The following UNG variants were observed in gnomAD, a reference collection of about 807,000 sequenced individuals.
UNG encodes the protein uracil DNA glycosylase.
UNG carries 34 observed loss-of-function variants against 36.5 expected under a neutral mutation model. The ratio of observed to expected loss-of-function variants is 0.93; its 90% CI spans 0.71 to 1.24. The LOEUF is 1.24. UNG is among the 50% of genes most tolerant of loss of function. UNG has a pLI of 0.00. For synonymous variants in UNG, 172 were observed against 157.8 expected (o/e 1.09, Z -0.67); for missense variants, 391 against 397.6 (o/e 0.98, Z 0.14).
intron 6 of UNG, among the ~76,000 whole-genome samples, chr12:109,108,369 C>CA (rs1762210341): frequency 6.6e-6 from 1 of 152,014 alleles, no homozygotes; most frequent in Admixed American, 6.6e-5. Context: ...AGCAGTGGCT[C>CA]ACGCCTGTAA....
intron 6 of UNG, among the ~76,000 whole-genome samples, chr12:109,104,775 A>G (rs12816460): frequency 2.0e-5 from 3 of 152,142 alleles, no homozygotes; most frequent in Non-Finnish European, 2.9e-5. Context: ...GGGAGAAATT[A>G]TAGAGTAAAT....
intron 6 of UNG, among the ~76,000 whole-genome samples, chr12:109,107,793 G>A (rs1440334921): frequency 6.6e-6 from 1 of 152,092 alleles, no homozygotes; most frequent in Non-Finnish European, 1.5e-5. Flanking sequence ...CCAAAGTGCT[G>A]GGATTACAGG....
Position 109,097,814 on chromosome 12 carries a change from G to A in UNG, c.132+3G>A. On this transcript the variant is annotated splice_donor_region_variant and intron_variant, in intron 1 of 6. Transcript: ENST00000242576. ...CTGAGGAAAGCGGAGATGCGGCGGTGAGGCGCGGCTTGGGCCGGGGCTAGG... is the reference window on the plus strand; with the variant it reads ...CTGAGGAAAGCGGAGATGCGGCGGTAAGGCGCGGCTTGGGCCGGGGCTAGG... 1.3e-6 allele frequency: 2 copies of A among 1,541,300 alleles called. No homozygotes were observed. The highest frequency in any genetic ancestry group is 1.8e-6 in the Non-Finnish European group (2 of 1,140,852).
intron 2 of UNG, 60 bp downstream of exon 2, chr12:109,098,698 T>C (rs1168706938): frequency 6.2e-7 from 1 of 1,608,524 alleles, no homozygotes; most frequent in Non-Finnish European, 8.5e-7. Context: ...CCCTTTTGTC[T>C]TGTTAGTGTA....
Position 109,109,910 on chromosome 12 carries a change from A to G in UNG, c.883A>G (p.Lys295Glu). 1.2e-6 allele frequency: 2 copies of G among 1,614,058 alleles called. No homozygotes were observed. The highest frequency in any genetic ancestry group is 2.2e-5 in the South Asian group (2 of 91,080). ...RGFFGCRHFS[K>E]TNELLQKSGK... ...GTTCTTTGGATGTAGACACTTTTCA[A>G]AGACCAATGAGCTGCTGCAGAAGTC... The change falls in exon 7 of 7, where the codon AAG (lysine) becomes GAG (glutamate). Residue 295 changes from lysine (K) to glutamate (E), a missense_variant. By Grantham distance (56) the Lys-to-Glu change is moderately conservative. Transcript: ENST00000242576.
Position 109,109,873 on chromosome 12 carries a change from A to G in UNG, c.846A>G (p.Ser282=). 1 of 1,613,814 alleles carries G rather than the reference A, an allele frequency of 6.2e-7. No individual in the cohort carries two copies. The highest frequency in any genetic ancestry group is 8.5e-7 in the Non-Finnish European group (1 of 1,179,982). Residue 282 remains serine (S), a synonymous_variant, in exon 7 of 7, where the codon TCA becomes TCG. Coordinates refer to ENST00000242576, the MANE Select transcript of UNG (RefSeq NM_080911.3). The stretch of plus-strand genomic sequence containing the variant: ...AGACGGCTCATCCCTCCCCTTTGTC[A>G]GTGTATAGAGGGTTCTTTGGATGTA... The part of the protein sequence containing the change: ...VLQTAHPSPL[S]VYRGFFGCRH...
rs2042193896 is a variant in UNG at position 109,103,474 on chromosome 12, C to G, written c.664C>G (p.Gln222Glu). ...LNAVLTVRAH[Q>E]ANSHKERGWE... ...CGCTGTCCTCACGGTTCGTGCCCAT[C>G]AAGCCAACTCTCATAAGGAGCGAGG... The change falls in exon 6 of 7, where the codon CAA becomes GAA. Residue 222 changes from glutamine (Q) to glutamate (E), a missense_variant. Coordinates refer to ENST00000242576, the MANE Select transcript of UNG (RefSeq NM_080911.3). The G allele has an allele frequency of 6.2e-7, 1 of 1,614,182 alleles. No individual in the cohort carries two copies. The highest frequency in any genetic ancestry group is 8.5e-7 in the Non-Finnish European group (1 of 1,180,030).
At chr12:109,104,378 A>G (rs2042201722) in intron 6 of UNG, among the ~76,000 whole-genome samples, 1 of 152,006 alleles carries the variant, frequency 6.6e-6, no homozygotes, top group African/African-American at 2.4e-5. Context: ...CCCAAGGTCT[A>G]ATTGCAGATA....
intron 6 of UNG, among the ~76,000 whole-genome samples, chr12:109,109,269 A>C (rs1335009428): frequency 1.3e-5 from 2 of 152,168 alleles, no homozygotes; most frequent in Non-Finnish European, 1.5e-5. Context: ...TGATAGGGAC[A>C]CTTGAAAATT....
chr12:109,102,710 TA>T, intron 4 of UNG, 128 bp from the exon 5 acceptor site: 2 of 703,948 alleles, frequency 2.8e-6, no homozygotes, highest in South Asian at 3.0e-5. Context: ...ATCGGCGCCA[TA>T]TGTGCCAGTG....
At chr12:109,100,560 A>G (rs576253560) in intron 3 of UNG, among the ~76,000 whole-genome samples, 55 of 152,338 alleles carry the variant, frequency 3.6e-4, no homozygotes, top group African/African-American at 1.1e-3. Context: ...AAATCCTATT[A>G]AGATCAATAC....
At chr12:109,106,904 C>T (rs866834336) in intron 6 of UNG, among the ~76,000 whole-genome samples, 14 of 61,720 alleles carry the variant, frequency 2.3e-4, no homozygotes, top group African/African-American at 9.9e-4. Context: ...TATATATATA[C>T]GTATATATAT....
At chr12:109,101,409 C>G (rs1220000543) in intron 3 of UNG, among the ~76,000 whole-genome samples, 2 of 150,606 alleles carry the variant, frequency 1.3e-5, no homozygotes. Context: ...TTTAATTCAT[C>G]GAAAAGTAAC....
chr12:109,109,757 C>CT, intron 6 of UNG, 72 bp from the exon 7 acceptor site: 1 of 1,317,732 alleles, frequency 7.6e-7, no homozygotes, highest in Non-Finnish European at 1.0e-6. Flanking sequence ...CAGCAAGACT[C>CT]TGTCTCAAAA....
intron 6 of UNG, among the ~76,000 whole-genome samples, chr12:109,104,449 T>C (rs1053693277): frequency 5.3e-5 from 8 of 152,154 alleles, no homozygotes; most frequent in Non-Finnish European, 1.2e-4. Flanking sequence ...GCTACCTCCC[T>C]CTTTCCCTTC....
Position 109,097,741 on chromosome 12 carries a change from C to G in UNG, c.62C>G (p.Ala21Gly), listed in dbSNP as rs1268732277. ...CCCAGCCCCGCCAGGAAGCGACACG[C>G]CCCCAGCCCCGAGCCGGCCGTCCAG... ...FSPSPARKRHAPSPEPAVQGT... is the reference protein window; with the variant it reads ...FSPSPARKRHGPSPEPAVQGT... The change falls in exon 1 of 7, where the codon GCC becomes GGC. Residue 21 changes from alanine to glycine, a missense_variant. Physicochemically the swap from Ala to Gly is moderately conservative, Grantham distance 60 (BLOSUM62 0). Coordinates refer to ENST00000242576, the MANE Select transcript of UNG (RefSeq NM_080911.3). 1 of 1,579,836 alleles carries G rather than the reference C, an allele frequency of 6.3e-7. No individual in the cohort carries two copies. Among genetic ancestry groups the G allele is most frequent in the East Asian group, 2.4e-5 (1 of 42,434 alleles).
intron 6 of UNG, among the ~76,000 whole-genome samples, chr12:109,104,324 A>G (rs189886341): frequency 1.3e-5 from 2 of 152,222 alleles, no homozygotes; most frequent in African/African-American, 2.4e-5. Flanking sequence ...CTAGGATTAC[A>G]GGCATGAGCC....
Position 109,100,919 on chromosome 12 carries a change from G to A in UNG, c.436-983G>A, listed in dbSNP as rs112986710. 1.8e-3 allele frequency among the ~76,000 whole-genome samples: 269 copies of A among 152,206 alleles called. 1 individual carries two copies. Among genetic ancestry groups the A allele is most frequent in the African/African-American group, 6.0e-3 (251 of 41,522 alleles). On this transcript the variant is annotated intron_variant, in intron 3 of 6. Coordinates refer to ENST00000242576, the MANE Select transcript of UNG (RefSeq NM_080911.3). Reference sequence around the variant, plus strand: ...AATGAAGACTAGGTGGGTGGGCCCTGGATGGGAAGGACGAGGCGGCCTATG... The same window carrying A: ...AATGAAGACTAGGTGGGTGGGCCCTAGATGGGAAGGACGAGGCGGCCTATG...
intron 6 of UNG, among the ~76,000 whole-genome samples, chr12:109,106,859 C>G (rs868083542): frequency 1.1e-4 from 1 of 8,806 alleles, no homozygotes; most frequent in Non-Finnish European, 2.7e-4. Flanking sequence ...GAGTGAGACT[C>G]TATCTCAAAA....
Sources: gnomAD v4.1 joint callset for allele counts (sites outside exome capture counted in the v4.1 genomes callset) on GRCh38, gnomAD v4.1.1 for gene constraint, MANE v1.5 for transcripts, NCBI Gene and HGNC (gene_info 2026-07-23, HGNC 2026-07-21) for gene names.